Variants in CRTAC1 observed in about 807,000 individuals in gnomAD.
CRTAC1 encodes the protein acidic secreted protein in cartilage.
Under a neutral mutation model 67.8 loss-of-function variants are expected in CRTAC1, and 37 were observed. The observed-to-expected ratio is 0.55, with a 90% CI of 0.42 to 0.72. The LOEUF (loss-of-function observed/expected upper bound fraction) is 0.72. Ranked by LOEUF, CRTAC1 falls within the 30% of genes least tolerant of loss-of-function variation. The probability of loss-of-function intolerance (pLI) is 0.00; values close to 1 mark genes in which losing one functional copy is unlikely to be tolerated. For synonymous variants in CRTAC1, 348 were observed against 371.0 expected (o/e 0.94, Z 0.71); for missense variants, 780 against 931.6 (o/e 0.84, Z 2.12).
rs376315454 is a variant in CRTAC1, at chr10:97,962,832, C to T, written c.225-26466G>A. ...CCGGGCACTCTTTCAGAATGGTACC[C>T]GCGCATCTCGGTGGCATCAACATGC... On this transcript the variant is annotated intron_variant, in intron 2 of 14. Transcript: ENST00000370597. 1.3e-4 allele frequency among the ~76,000 whole-genome samples: 19 copies of T among 151,102 alleles called. No homozygotes were observed. In the South Asian group the frequency reaches 2.1e-3, roughly 17 times the overall value.
intron 2 of CRTAC1, among the ~76,000 whole-genome samples, chr10:97,987,178 G>C (rs549643487): frequency 6.6e-6 from 1 of 152,144 alleles, no homozygotes; most frequent in Non-Finnish European, 1.5e-5. Context: ...TATGAATCTC[G>C]CATTTGAGAG....
intron 11 of CRTAC1, among the ~76,000 whole-genome samples, chr10:97,887,522 G>A (rs549880534): frequency 6.6e-6 from 1 of 152,306 alleles, no homozygotes; most frequent in East Asian, 1.9e-4. Flanking sequence ...GGGATTATAG[G>A]CGTGAGTCAC....
At chr10:97,911,968 C>G (rs1286404495) in intron 5 of CRTAC1, among the ~76,000 whole-genome samples, 5 of 152,228 alleles carry the variant, frequency 3.3e-5, no homozygotes, top group African/African-American at 1.2e-4. Context: ...CCAGCGCATT[C>G]TCTCGGAGCT....
chr10:97,911,114 C>T (rs2050682907), intron 5 of CRTAC1, among the ~76,000 whole-genome samples: 1 of 152,184 alleles, frequency 6.6e-6, no homozygotes. Flanking sequence ...GGCAGCTGTC[C>T]CTGCCCTGGT....
chr10:97,974,573 C>G (rs1047292008), intron 2 of CRTAC1, among the ~76,000 whole-genome samples: 1 of 152,206 alleles, frequency 6.6e-6, no homozygotes, highest in Admixed American at 6.5e-5. Context: ...AAGGAGAAGT[C>G]GCTTTGGTGG....
At chr10:97,918,783 T>C (rs1293849199) in intron 4 of CRTAC1, among the ~76,000 whole-genome samples, 1 of 123,412 alleles carries the variant, frequency 8.1e-6, no homozygotes, top group Non-Finnish European at 1.8e-5. Context: ...TGTGGGTTTT[T>C]TGGTGTTTTT....
chr10:97,989,251 A>C (rs1452707611), intron 2 of CRTAC1, among the ~76,000 whole-genome samples: 4 of 152,142 alleles, frequency 2.6e-5, no homozygotes, highest in Non-Finnish European at 4.4e-5. Context: ...CATAATAAAT[A>C]AATCAATCTC....
Position 97,908,051 on chromosome 10 carries a change from C to T in CRTAC1, c.812G>A (p.Arg271Gln), listed in dbSNP as rs775016793. Residue 271 changes from arginine to glutamine, a missense_variant, in exon 6 of 15, where the codon CGG (arginine) becomes CAG (glutamine). Arg to Gln is a conservative substitution (Grantham distance 43, BLOSUM62 1). Transcript: ENST00000370597. ...AGCGTCCACAAAGGTGCCATCGCCC[C>T]GGTTGTGGAAAAGGAAGTTAGGCCC... The part of the protein sequence containing the change: ...ENGPNFLFHN[R>Q]GDGTFVDAAA... 3.1e-5 allele frequency: 50 copies of T among 1,614,050 alleles called. No individual in the cohort carries two copies. The highest frequency in any genetic ancestry group is 3.0e-4 in the South Asian group (27 of 91,084).
intron 11 of CRTAC1, among the ~76,000 whole-genome samples, chr10:97,887,596 G>A (rs1479801538): frequency 2.0e-5 from 3 of 152,196 alleles, no homozygotes; most frequent in Non-Finnish European, 2.9e-5. Flanking sequence ...CAGACGTGGT[G>A]CAGGGGGCCT....
intron 3 of CRTAC1, among the ~76,000 whole-genome samples, chr10:97,925,793 A>C (rs1210566320): frequency 1.3e-5 from 2 of 151,956 alleles, no homozygotes; most frequent in Non-Finnish European, 2.9e-5. Context: ...AGAACAGTCA[A>C]GTGTGTGTGT....
chr10:98,023,974 C>T (rs559225628), intron 1 of CRTAC1, among the ~76,000 whole-genome samples: 2 of 152,382 alleles, frequency 1.3e-5, no homozygotes, highest in Admixed American at 6.5e-5. Context: ...GGGAGGGGAA[C>T]TTCCAGCTCC....
chr10:97,948,405 G>A (rs968709173), intron 2 of CRTAC1, among the ~76,000 whole-genome samples: 2 of 152,152 alleles, frequency 1.3e-5, no homozygotes, highest in Non-Finnish European at 2.9e-5. Flanking sequence ...GGAGTGGATG[G>A]GGCCACAGTG....
In CRTAC1 at chr10:98,029,571, C is replaced by CA. The variant is rs1350836279; in HGVS notation, c.24+877_24+878insT. On this transcript the variant is annotated intron_variant, in intron 1 of 14. Coordinates refer to ENST00000370597, the MANE Select transcript of CRTAC1 (RefSeq NM_018058.7). The surrounding 1 kb of genome is among the most constrained non-coding windows in gnomAD (Gnocchi z 4.7). The stretch of plus-strand genomic sequence containing the variant: ...ATTAGTCATTCCTGGAGGAAGCCCC[C>CA]CCAGCTCTCAACCCTAGGAGAATTT... Among the ~76,000 whole-genome samples the CA allele has an allele frequency of 2.6e-5, 4 of 151,712 alleles. No homozygotes were observed. Among genetic ancestry groups the CA allele is most frequent in the Non-Finnish European group, 5.9e-5 (4 of 67,846 alleles).
rs1843331085 is a variant in CRTAC1 at position 98,029,908 on chromosome 10, G to A, written c.24+541C>T. 6.6e-6 allele frequency among the ~76,000 whole-genome samples: 1 copy of A among 151,972 alleles called. No homozygotes were observed. The highest frequency in any genetic ancestry group is 2.4e-5 in the African/African-American group (1 of 41,392). On this transcript the variant is annotated intron_variant, in intron 1 of 14. Coordinates refer to ENST00000370597, the MANE Select transcript of CRTAC1 (RefSeq NM_018058.7). This position sits in a 1 kb window ranked among gnomAD's most constrained non-coding sequence, Gnocchi z 4.7. ...TACGCCGCGCGCGGGGCTGGCTCCC[G>A]GAGCTCTCTGCCACCCAGCGCTGTG... is the stretch of plus-strand genomic sequence containing the variant.
intron 1 of CRTAC1, among the ~76,000 whole-genome samples, chr10:98,024,238 A>G (rs1564940499): frequency 8.5e-5 from 13 of 152,244 alleles, no homozygotes. Flanking sequence ...CGGTGCAAAC[A>G]AAGATAAGAG....
chr10:98,022,422 G>A, intron 1 of CRTAC1, among the ~76,000 whole-genome samples: 1 of 151,860 alleles, frequency 6.6e-6, no homozygotes, highest in East Asian at 1.9e-4. Flanking sequence ...ACAAAGCCTC[G>A]ACACAAGCCA....
intron 2 of CRTAC1, among the ~76,000 whole-genome samples, chr10:97,939,321 G>C (rs947859551): frequency 6.6e-6 from 1 of 152,190 alleles, no homozygotes; most frequent in Non-Finnish European, 1.5e-5. Context: ...TAAGGTGCCA[G>C]TTCCAGAGGT....
intron 7 of CRTAC1, among the ~76,000 whole-genome samples, chr10:97,903,762 A>G (rs920196054): frequency 2.0e-5 from 3 of 151,952 alleles, no homozygotes; most frequent in Admixed American, 6.6e-5. Flanking sequence ...TTCCAAACCC[A>G]TGCCCCTCAT....
At chr10:97,935,917 G>A (rs1043287204) in intron 3 of CRTAC1, among the ~76,000 whole-genome samples, 1 of 152,140 alleles carries the variant, frequency 6.6e-6, no homozygotes, top group Non-Finnish European at 1.5e-5. Context: ...CACAGTCTGA[G>A]GGAGAGACTC....
Sources: allele counts gnomAD v4.1 joint callset (sites outside exome capture counted in the v4.1 genomes callset), GRCh38; gene constraint gnomAD v4.1.1; non-coding constraint Gnocchi (gnomAD v3.1); transcripts MANE v1.5; gene names NCBI Gene and HGNC (gene_info 2026-07-23, HGNC 2026-07-21).